Variants in DNAJC15 observed in about 807,000 individuals in gnomAD.
The protein encoded by DNAJC15 is dnaJ homolog subfamily C member 15.
In DNAJC15, 27 loss-of-function variants were observed where a neutral mutation model predicts 22.4. The ratio of observed to expected loss-of-function variants is 1.20; its 90% CI spans 0.89 to 1.66. The LOEUF is 1.66. Among genes scored for constraint, DNAJC15 ranks in the 40% most tolerant of loss-of-function variants. DNAJC15 has a pLI of 0.00. For missense variants in DNAJC15, 208 were observed against 187.1 expected, an observed-to-expected ratio of 1.11 and a Z score of -0.65; for synonymous variants, 79 against 63.2, an observed-to-expected ratio of 1.25 and a Z score of -1.19.
intron 1 of DNAJC15, 150 bp downstream of exon 1, chr13:43,023,884 C>T: frequency 1.3e-6 from 1 of 746,508 alleles, no homozygotes; most frequent in South Asian, 1.9e-5. Flanking sequence ...GGAGAGACCG[C>T]TTTGTGCTGG....
intron 1 of DNAJC15, among the ~76,000 whole-genome samples, chr13:43,059,430 A>G (rs530905573): frequency 1.3e-3 from 195 of 151,994 alleles, no homozygotes; most frequent in Non-Finnish European, 2.3e-3. Flanking sequence ...CTGGAGTGCA[A>G]CGGCGCAATC....
chr13:43,044,520 T>C (rs573992349), intron 1 of DNAJC15, among the ~76,000 whole-genome samples: 2 of 152,332 alleles, frequency 1.3e-5, no homozygotes, highest in East Asian at 3.9e-4. Flanking sequence ...ATTCTTTTAG[T>C]TGTTCAAGAC....
intron 1 of DNAJC15, among the ~76,000 whole-genome samples, chr13:43,031,391 G>A (rs1050041185): frequency 6.6e-6 from 1 of 152,132 alleles, no homozygotes; most frequent in African/African-American, 2.4e-5. Context: ...ATCAGTGGAG[G>A]CCTTCAGGAG....
chr13:43,083,361 G>T (rs929858719), intron 4 of DNAJC15, among the ~76,000 whole-genome samples: 9 of 152,034 alleles, frequency 5.9e-5, no homozygotes, highest in Non-Finnish European at 1.0e-4. Flanking sequence ...TAGAGACAGG[G>T]TTTCACCATG....
rs1555276540 is a variant in DNAJC15, at chr13:43,082,857, T to TATAC, written c.312-2909_312-2906dup. On this transcript the variant is annotated intron_variant, in intron 4 of 5. Coordinates refer to ENST00000379221, the MANE Select transcript of DNAJC15 (RefSeq NM_013238.3). ...CAGAACATTCACCTATATATATATA[T>TATAC]ATACACACATATATGTGCGTATGCG... 3.3e-5 allele frequency among the ~76,000 whole-genome samples: 5 copies of TATAC among 149,574 alleles called. No individual in the cohort carries two copies. The South Asian group carries it at 1.0e-3, about 31-fold the overall frequency.
intron 5 of DNAJC15, among the ~76,000 whole-genome samples, chr13:43,105,653 T>C (rs1220573687): frequency 1.3e-5 from 2 of 152,208 alleles, no homozygotes; most frequent in Admixed American, 6.5e-5. Flanking sequence ...TGAGTGAGCA[T>C]AGTATGGCCT....
rs368740306 is a variant in DNAJC15 at position 43,029,841 on chromosome 13, C to CT, written c.108+6108dup. Among the ~76,000 whole-genome samples the CT allele has an allele frequency of 7.9e-4, 121 of 152,210 alleles. 1 individual carries two copies. The highest frequency in any genetic ancestry group is 2.7e-3 in the African/African-American group (112 of 41,538). On this transcript the variant is annotated intron_variant, in intron 1 of 5. Coordinates refer to ENST00000379221, the MANE Select transcript of DNAJC15 (RefSeq NM_013238.3). ...ATGAAGTTTTAAGAATACTCGTTCT[C>CT]TCAGTTCCCAACATAGTACCAGGCA...
At chr13:43,099,033 A>G (rs893383034) in intron 5 of DNAJC15, among the ~76,000 whole-genome samples, 3 of 152,208 alleles carry the variant, frequency 2.0e-5, no homozygotes, top group East Asian at 1.9e-4. Flanking sequence ...CAGAGACATG[A>G]TGTTTTTCTA....
intron 5 of DNAJC15, among the ~76,000 whole-genome samples, chr13:43,106,180 G>A (rs74062338): frequency 0.017 from 2,548 of 152,268 alleles, 83 homozygotes; most frequent in East Asian, 0.1. Flanking sequence ...TTGGTTTGTT[G>A]TAAGCTACTG....
At position 43,069,015 on chromosome 13, in the gene DNAJC15, G is replaced by C. The variant is rs564710643; in HGVS notation, c.234+12G>C. On this transcript the variant is annotated intron_variant, in intron 3 of 5. Coordinates refer to ENST00000379221, the MANE Select transcript of DNAJC15 (RefSeq NM_013238.3). ...AGATTTCAACTCCTGTAAGTTAAAC[G>C]TGGCTTTAGTTAGAAGACTCATTTT... 2 of 1,608,056 alleles carry C rather than the reference G, an allele frequency of 1.2e-6. No homozygotes were observed. The highest frequency in any genetic ancestry group is 1.7e-6 in the Non-Finnish European group (2 of 1,177,122).
rs2040809633 is a variant in DNAJC15 at position 43,108,554 on chromosome 13, A to G, written c.*1306A>G. ...TTAAAATACTTTTTAGATATCCTAGATGCATCTTTCAACTTCTAACATTCT... is the reference window on the plus strand; with the variant it reads ...TTAAAATACTTTTTAGATATCCTAGGTGCATCTTTCAACTTCTAACATTCT... On this transcript the variant is annotated 3_prime_UTR_variant, in exon 6 of 6. Transcript: ENST00000379221. 1 of 152,188 alleles carries G rather than the reference A, an allele frequency of 6.6e-6. No individual in the cohort carries two copies. The highest frequency in any genetic ancestry group is 1.5e-5 in the Non-Finnish European group (1 of 68,028). The allele number at this position is 152,188 out of a possible 1,614,324, so 9.4% of individuals were successfully genotyped here.
chr13:43,046,037 G>A (rs2040475711), intron 1 of DNAJC15, among the ~76,000 whole-genome samples: 1 of 152,132 alleles, frequency 6.6e-6, no homozygotes, highest in Non-Finnish European at 1.5e-5. Flanking sequence ...ATGGGAAATA[G>A]CCTTCAAGTG....
chr13:43,034,304 CCTTTT>C (rs2040417604), intron 1 of DNAJC15, among the ~76,000 whole-genome samples: 1 of 92,936 alleles, frequency 1.1e-5, no homozygotes, highest in African/African-American at 4.6e-5. Flanking sequence ...GGAGATTTGT[CCTTTT>C]TTTTTTTTTT....
intron 1 of DNAJC15, among the ~76,000 whole-genome samples, chr13:43,052,667 T>G (rs1400002994): frequency 6.6e-6 from 1 of 152,222 alleles, no homozygotes; most frequent in Non-Finnish European, 1.5e-5. Context: ...TCCACCTGCC[T>G]TGGCCTCCCA....
intron 5 of DNAJC15, among the ~76,000 whole-genome samples, chr13:43,102,806 T>C (rs904329456): frequency 1.3e-5 from 2 of 152,090 alleles, no homozygotes; most frequent in Non-Finnish European, 2.9e-5. Flanking sequence ...GTGGTTTCCT[T>C]GTGACATTTT....
intron 5 of DNAJC15, among the ~76,000 whole-genome samples, chr13:43,095,532 G>A (rs2040735480): frequency 6.6e-6 from 1 of 152,062 alleles, no homozygotes; most frequent in South Asian, 2.1e-4. Context: ...AATATAAGAT[G>A]GTGTTGAAAC....
intron 1 of DNAJC15, among the ~76,000 whole-genome samples, chr13:43,064,569 G>T (rs1398526002): frequency 2.0e-5 from 3 of 152,082 alleles, no homozygotes; most frequent in Admixed American, 2.0e-4. Context: ...TCTTAATTTT[G>T]TATCCATTAG....
At chr13:43,049,858 T>G (rs1334197560) in intron 1 of DNAJC15, among the ~76,000 whole-genome samples, 2 of 152,196 alleles carry the variant, frequency 1.3e-5, no homozygotes, top group East Asian at 3.8e-4. Context: ...AGTAGATAAA[T>G]TTTTTTCTAG....
chr13:43,107,211 A>C lies in DNAJC15; in HGVS notation c.416A>C (p.Glu139Ala). The stretch of plus-strand genomic sequence containing the variant: ...CCTTACGTAGCAGCCAAAATAAATG[A>C]AGCAAAAGACTTGCTAGAAACAACC... ...GSPYVAAKINEAKDLLETTTK... is the reference protein window; with the variant it reads ...GSPYVAAKINAAKDLLETTTK... The change falls in exon 6 of 6, where the codon GAA (glutamate) becomes GCA (alanine). Residue 139 changes from glutamate to alanine, a missense_variant. Transcript: ENST00000379221. 2 of 1,597,012 alleles carry C rather than the reference A, an allele frequency of 1.3e-6. No homozygotes were observed. The highest frequency in any genetic ancestry group is 1.7e-6 in the Non-Finnish European group (2 of 1,172,874).
Sources: gnomAD v4.1 joint callset for allele counts (sites outside exome capture counted in the v4.1 genomes callset) on GRCh38, gnomAD v4.1.1 for gene constraint, MANE v1.5 for transcripts, NCBI Gene and HGNC (gene_info 2026-07-23, HGNC 2026-07-21) for gene names.